GLOD4: variants seen among roughly 807,000 people sequenced by gnomAD.
GLOD4 encodes the protein glyoxalase domain-containing protein 4.
A neutral mutation model predicts 39.1 loss-of-function variants in GLOD4; 44 were observed. The ratio of observed to expected loss-of-function variants is 1.13; its 90% CI spans 0.88 to 1.45. The LOEUF (loss-of-function observed/expected upper bound fraction) is 1.45. GLOD4 is among the 40% of genes most tolerant of loss of function. The pLI is 0.00. For missense variants in GLOD4, 405 were observed against 366.4 expected (o/e 1.11, Z -0.86); for synonymous variants, 145 against 135.0 (o/e 1.07, Z -0.52).
chr17:782,393 G>A (rs756983437), upstream of GLOD4: 6 of 1,613,572 alleles, frequency 3.7e-6, no homozygotes, highest in East Asian at 1.3e-4. Context: ...CGGCGCTGGT[G>A]AGACCCGCGA....
chr17:778,235 CCCTGACTTGTAGTTGG>C, intron 2 of GLOD4: 1 of 239,914 alleles, frequency 4.2e-6, no homozygotes, highest in South Asian at 1.3e-4. Flanking sequence ...GGAGCGGGAG[CCCTGACTTGTAGTTGG>C]TCATCGGAAA....
rs1485679528 is a variant in GLOD4 at position 775,821 on chromosome 17, C to A, written c.360G>T (p.Pro120=). ...VAEGVFETEA[P]GGYKFYLQNR... ...TCTGCAAATAGAACTTATATCCTCC[C>A]GGGGCCTCGGTTTCAAAAACACCTT... Residue 120 remains proline (P), a synonymous_variant, in exon 4 of 9, where the codon CCG becomes CCT. Transcript: ENST00000301329. The A allele has an allele frequency of 2.5e-6, 4 of 1,613,986 alleles. No homozygotes were observed. The highest frequency in any genetic ancestry group is 1.7e-6 in the Non-Finnish European group (2 of 1,179,860).
intron 1 of GLOD4, among the ~76,000 whole-genome samples, chr17:781,446 A>C (rs1909929925): frequency 6.6e-6 from 1 of 152,234 alleles, no homozygotes; most frequent in African/African-American, 2.4e-5. Context: ...CCAAAACTCA[A>C]CGTAGTACCC....
At chr17:773,619 A>G (rs187349293) in intron 4 of GLOD4, among the ~76,000 whole-genome samples, 147 of 152,318 alleles carry the variant, frequency 9.7e-4, no homozygotes, top group African/African-American at 3.3e-3. Flanking sequence ...GAAACTTTTC[A>G]CATTGTAAAG....
In GLOD4 at chr17:776,940, C is replaced by A; in HGVS notation, c.189G>T (p.Glu63Asp). The A allele has an allele frequency of 1.9e-6, 3 of 1,607,656 alleles. No homozygotes were observed. Among genetic ancestry groups the A allele is most frequent in the South Asian group, 2.2e-5 (2 of 90,942 alleles). ...WSKTMVGFGP[E>D]DDHFVAELTY... is the part of the protein sequence containing the mutation. ...TCAGTTCTGCGACAAAATGATCATC[C>A]TCAGGCCCAAATCCCACCATTGTTT... Residue 63 changes from glutamate (E) to aspartate (D), a missense_variant, in exon 3 of 9, where the codon GAG becomes GAT. Glu to Asp is a conservative substitution (Grantham distance 45, BLOSUM62 2). Transcript: ENST00000301329.
chr17:778,774 G>C, intron 1 of GLOD4, 30 bp from the exon 2 acceptor site: 1 of 1,419,864 alleles, frequency 7.0e-7, no homozygotes, highest in South Asian at 1.1e-5. Flanking sequence ...AAATTGTGAA[G>C]TGTTGCTAGT....
chr17:773,758 A>C (rs1346256672), intron 4 of GLOD4, among the ~76,000 whole-genome samples: 2 of 152,182 alleles, frequency 1.3e-5, no homozygotes, highest in Non-Finnish European at 2.9e-5. Context: ...TGTTTCTCAC[A>C]AGTGCCTCCG....
intron 2 of GLOD4, 51 bp from the exon 3 acceptor site, chr17:777,039 G>A: frequency 6.3e-7 from 1 of 1,592,802 alleles, no homozygotes; most frequent in Non-Finnish European, 8.6e-7. Flanking sequence ...GTCAGCCTCA[G>A]GCCACCCCCA....
At chr17:776,486 A>G (rs1908982969) in intron 3 of GLOD4, among the ~76,000 whole-genome samples, 1 of 152,058 alleles carries the variant, frequency 6.6e-6, no homozygotes, top group Non-Finnish European at 1.5e-5. Flanking sequence ...GACTGCAGCC[A>G]GCCTTGTTTT....
rs376529094 is a variant in GLOD4 at position 770,259 on chromosome 17, C to T, written c.631-102G>A. 154 of 764,932 alleles carry T rather than the reference C, an allele frequency of 2.0e-4. No homozygotes were observed. The African/African-American group carries it at 2.3e-3, about 12-fold the overall frequency. The allele number at this position is 764,932 out of a possible 1,614,324, so 47.4% of individuals were successfully genotyped here. A position where few individuals can be genotyped will look rare whatever the true frequency, so the allele number is the denominator to read the frequency against. On this transcript the variant is annotated intron_variant, in intron 6 of 8. Transcript: ENST00000301329. ...TATCAGATACCATAAAGAACCAAGG[C>T]GCCATTTGTTTGAATTTATTATCTC...
chr17:769,044 G>A (rs2740341), intron 8 of GLOD4, among the ~76,000 whole-genome samples: 21,236 of 152,272 alleles, frequency 0.14, 1,647 homozygotes, highest in Middle Eastern at 0.23. Context: ...AGCTTTCAGC[G>A]CCTGTTTGCA....
rs369942547 is a variant in GLOD4 at position 778,721 on chromosome 17, T to C, written c.114A>G (p.Glu38=). The C allele has an allele frequency of 2.5e-5, 40 of 1,604,062 alleles. No homozygotes were observed. In the Admixed American group the frequency reaches 2.7e-4, roughly 11 times the overall value. Residue 38 remains glutamate (E), a synonymous_variant, in exon 2 of 9, where the codon GAA becomes GAG. Coordinates refer to ENST00000301329, the MANE Select transcript of GLOD4 (RefSeq NM_016080.4). ...CATTACAGGCAGCTTTGCAGCCTTC[T>C]TCAAATTCCTCATGCCGCAGAACCT... ...GMKVLRHEEF[E]EGCKAACNGP... is the part of the protein sequence containing the mutation.
chr17:766,797 G>T (rs1176106800), intron 8 of GLOD4, among the ~76,000 whole-genome samples: 1 of 152,194 alleles, frequency 6.6e-6, no homozygotes, highest in Non-Finnish European at 1.5e-5. Context: ...TCCTTGGGAG[G>T]CCGAGGCAGA....
chr17:769,372 AG>A (rs1369367437), intron 8 of GLOD4, among the ~76,000 whole-genome samples: 1 of 147,352 alleles, frequency 6.8e-6, no homozygotes, highest in African/African-American at 2.6e-5. Flanking sequence ...GAACGGATGG[AG>A]GCATCTCCAT....
chr17:760,411 A>T (rs1241718791), intron 8 of GLOD4, among the ~76,000 whole-genome samples, 173 bp from the exon 9 acceptor site: 1 of 152,212 alleles, frequency 6.6e-6, no homozygotes, highest in Admixed American at 6.5e-5. Flanking sequence ...TTTAACATTT[A>T]AAGAGTATTA....
rs780730872 is a variant in GLOD4, at chr17:760,171, C to T, written c.*2G>A. The stretch of plus-strand genomic sequence containing the variant: ...GAGGCTTGCTCTGCATCATGTCTTC[C>T]GTTAACCTGAAGCTTTGGGTTTATT... On this transcript the variant is annotated 3_prime_UTR_variant, in exon 9 of 9. Coordinates refer to ENST00000301329, the MANE Select transcript of GLOD4 (RefSeq NM_016080.4). 222 of 1,570,700 alleles carry T rather than the reference C, an allele frequency of 1.4e-4. No homozygotes were observed. Among genetic ancestry groups the T allele is most frequent in the Non-Finnish European group, 1.5e-4 (166 of 1,140,514 alleles).
intron 8 of GLOD4, among the ~76,000 whole-genome samples, chr17:768,687 C>G (rs1028154503): frequency 7.4e-6 from 1 of 134,940 alleles, no homozygotes; most frequent in Non-Finnish European, 1.6e-5. Flanking sequence ...ACAGCGCGCA[C>G]TCAGATTTTT....
At chr17:773,663 T>G (rs1186472918) in intron 4 of GLOD4, among the ~76,000 whole-genome samples, 1 of 152,278 alleles carries the variant, frequency 6.6e-6, no homozygotes, top group East Asian at 1.9e-4. Context: ...CGTCTCCATC[T>G]GACTACGATA....
chr17:782,371 C>T (rs755687783), upstream of GLOD4: 3 of 1,613,482 alleles, frequency 1.9e-6, no homozygotes, highest in South Asian at 2.2e-5. Flanking sequence ...GCCCGGGTCT[C>T]AGGGAACATG....
Sources: allele counts gnomAD v4.1 joint callset (sites outside exome capture counted in the v4.1 genomes callset), GRCh38; gene constraint gnomAD v4.1.1; transcripts MANE v1.5; gene names NCBI Gene and HGNC (gene_info 2026-07-23, HGNC 2026-07-21).